KCTD16: variants seen among roughly 807,000 people sequenced by gnomAD.
The protein encoded by KCTD16 is potassium channel tetramerization domain containing 16.
In KCTD16, 13 loss-of-function variants were observed where a neutral mutation model predicts 33.2. That is an observed-to-expected ratio of 0.39 (90% CI 0.25 to 0.62). KCTD16 has a LOEUF of 0.62. KCTD16 is among the 20% of genes least tolerant of loss of function. The pLI, the probability that KCTD16 is intolerant of heterozygous loss-of-function variation, is 0.50. For missense variants in KCTD16, 441 were observed against 525.1 expected (o/e 0.84, Z 1.57); for synonymous variants, 197 against 195.3 (o/e 1.01, Z -0.07).
intron 3 of KCTD16, among the ~76,000 whole-genome samples, chr5:144,375,026 A>C (rs765744760): frequency 6.6e-6 from 1 of 152,202 alleles, no homozygotes; most frequent in Non-Finnish European, 1.5e-5. Context: ...CTCTTAGGTC[A>C]GTTGTGTGGC....
chr5:144,474,211 A>T lies in KCTD16; in HGVS notation c.*97A>T. Reference sequence around the variant, plus strand: ...TTAAAGGAAAAAAATACAACTAATGATGCACATTTCTTAGAACACAATAGT... The same window carrying T: ...TTAAAGGAAAAAAATACAACTAATGTTGCACATTTCTTAGAACACAATAGT... On this transcript the variant is annotated 3_prime_UTR_variant, in exon 4 of 4. Coordinates refer to ENST00000512467, the MANE Select transcript of KCTD16 (RefSeq NM_020768.4). 1 of 931,138 alleles carries T rather than the reference A, an allele frequency of 1.1e-6. No homozygotes were observed. Among genetic ancestry groups the T allele is most frequent in the Non-Finnish European group, 1.6e-6 (1 of 623,504 alleles). The allele number at this position is 931,138 out of a possible 1,614,324, so 57.7% of individuals were successfully genotyped here.
chr5:144,477,040 C>T lies in KCTD16; in HGVS notation c.*2926C>T, dbSNP rs1229019991. On this transcript the variant is annotated 3_prime_UTR_variant, in exon 4 of 4. Transcript: ENST00000512467. ...TTGCCTTCTGGGAAATCCCGCGATA[C>T]TAAAATCCAGTGAGCTTTGGGAGAT... The T allele has an allele frequency of 1.3e-5, 2 of 152,052 alleles. No homozygotes were observed. Among genetic ancestry groups the T allele is most frequent in the Non-Finnish European group, 2.9e-5 (2 of 67,992 alleles). The allele number at this position is 152,052 out of a possible 1,614,324, so 9.4% of individuals were successfully genotyped here.
intron 3 of KCTD16, among the ~76,000 whole-genome samples, chr5:144,298,602 A>G (rs1756114525): frequency 6.6e-6 from 1 of 152,154 alleles, no homozygotes; most frequent in African/African-American, 2.4e-5. Context: ...CTTCAGAGAC[A>G]TAATTCCTTG....
chr5:144,182,905 T>A lies in KCTD16; in HGVS notation c.-327+8433T>A, dbSNP rs559744771. Among the ~76,000 whole-genome samples, 4 of 152,330 alleles carry A rather than the reference T, an allele frequency of 2.6e-5. No individual in the cohort carries two copies. In the East Asian group the frequency reaches 7.7e-4, roughly 29 times the overall value. On this transcript the variant is annotated intron_variant, in intron 2 of 3. Transcript: ENST00000512467. Reference sequence around the variant, plus strand: ...ATTATTATTTCTTTGTTATTATTGTTTGTTGTTACTTAACACATATACATA... The same window carrying A: ...ATTATTATTTCTTTGTTATTATTGTATGTTGTTACTTAACACATATACATA...
At chr5:144,176,419 G>C (rs1054701287) in intron 2 of KCTD16, among the ~76,000 whole-genome samples, 1 of 130,732 alleles carries the variant, frequency 7.6e-6, no homozygotes, top group African/African-American at 2.8e-5. Context: ...TTTTTGAGAC[G>C]GAGTCTCGCT....
At chr5:144,321,639 C>T (rs998961377) in intron 3 of KCTD16, among the ~76,000 whole-genome samples, 9 of 152,114 alleles carry the variant, frequency 5.9e-5, no homozygotes, top group Non-Finnish European at 8.8e-5. Flanking sequence ...TTTGATTTGA[C>T]GGCCTTATTC....
rs183739102 is a variant in KCTD16 at position 144,251,248 on chromosome 5, G to C, written c.832+43702G>C. ...TGTAACAGATACAGAAAGGTAGTAG[G>C]GGGTGGTGTGTTGTTTAAAAGGGAG... On this transcript the variant is annotated intron_variant, in intron 3 of 3. Transcript: ENST00000512467. 5.0e-4 allele frequency among the ~76,000 whole-genome samples: 76 copies of C among 152,232 alleles called. No homozygotes were observed. In the East Asian group the frequency reaches 0.014, roughly 27 times the overall value.
intron 3 of KCTD16, among the ~76,000 whole-genome samples, chr5:144,286,663 A>G (rs1014181622): frequency 1.3e-5 from 2 of 152,206 alleles, no homozygotes; most frequent in African/African-American, 4.8e-5. Context: ...TGAGTATGTC[A>G]TTTATTTTTA....
rs151184309 is a variant in KCTD16 at position 144,397,877 on chromosome 5, A to G, written c.833-75783A>G. On this transcript the variant is annotated intron_variant, in intron 3 of 3. Coordinates refer to ENST00000512467, the MANE Select transcript of KCTD16 (RefSeq NM_020768.4). ...CACAGGCTAATGGTCCATGAAAAGA[A>G]TTTATCTCTGATGTTAGTGAGAAGA... 1.8e-3 allele frequency among the ~76,000 whole-genome samples: 273 copies of G among 152,308 alleles called. 3 individuals carry two copies. The highest frequency in any genetic ancestry group is 3.3e-3 in the Non-Finnish European group (227 of 68,030).
chr5:144,293,807 G>A (rs534468440), intron 3 of KCTD16, among the ~76,000 whole-genome samples: 1 of 152,286 alleles, frequency 6.6e-6, no homozygotes, highest in Non-Finnish European at 1.5e-5. Flanking sequence ...AATGTTGAAT[G>A]CTTTTTAGAA....
intron 3 of KCTD16, among the ~76,000 whole-genome samples, chr5:144,339,422 G>C (rs1399989321): frequency 6.6e-6 from 1 of 152,026 alleles, no homozygotes; most frequent in Non-Finnish European, 1.5e-5. Context: ...CAAATGCATT[G>C]CATTTTCTTT....
chr5:144,201,793 A>G (rs28406939), intron 2 of KCTD16, among the ~76,000 whole-genome samples: 43,123 of 151,878 alleles, frequency 0.28, 7,426 homozygotes, highest in African/African-American at 0.48. Flanking sequence ...TAATGCAGGA[A>G]TCCTTGGGAG....
intron 3 of KCTD16, among the ~76,000 whole-genome samples, chr5:144,305,581 C>T (rs1471970281): frequency 2.6e-5 from 4 of 152,026 alleles, no homozygotes; most frequent in African/African-American, 7.2e-5. Flanking sequence ...CTTGGGAGGC[C>T]GAGGTGGGTG....
intron 3 of KCTD16, among the ~76,000 whole-genome samples, chr5:144,387,028 T>C (rs1489175461): frequency 1.3e-5 from 2 of 152,058 alleles, no homozygotes; most frequent in African/African-American, 4.8e-5. Flanking sequence ...GTGCAGTGGC[T>C]GGTTCATGGC....
rs758252977 is a variant in KCTD16, at chr5:144,207,116, C to A, written c.402C>A (p.Phe134Leu). Residue 134 changes from phenylalanine to leucine, a missense_variant, in exon 3 of 4, where the codon TTC becomes TTA. Around this residue, in one of 3 missense-constraint regions of KCTD16, gnomAD observed 355 missense variants for 413.0 expected, o/e 0.86. Coordinates refer to ENST00000512467, the MANE Select transcript of KCTD16 (RefSeq NM_020768.4). ...PDEIKQSPDE[F>L]CHSDFEDASQ... ...AAATCAAGCAAAGCCCAGATGAATT[C>A]TGCCACAGTGACTTTGAAGATGCCT... is the stretch of plus-strand genomic sequence containing the variant. The A allele has an allele frequency of 6.2e-7, 1 of 1,610,622 alleles. No individual in the cohort carries two copies. Among genetic ancestry groups the A allele is most frequent in the East Asian group, 2.2e-5 (1 of 44,836 alleles).
At chr5:144,261,167 CAAAAA>C in intron 3 of KCTD16, among the ~76,000 whole-genome samples, 1 of 78,064 alleles carries the variant, frequency 1.3e-5, no homozygotes, top group East Asian at 4.1e-4. Context: ...GGAACAACAA[CAAAAA>C]AAAAAAAAAA....
intron 3 of KCTD16, among the ~76,000 whole-genome samples, chr5:144,343,501 T>C (rs1006813387): frequency 1.3e-5 from 2 of 152,154 alleles, no homozygotes; most frequent in Non-Finnish European, 2.9e-5. Context: ...TAGCGGTCTA[T>C]CAATTTTGTT....
intron 3 of KCTD16, among the ~76,000 whole-genome samples, chr5:144,271,414 C>T (rs753575987): frequency 1.1e-4 from 16 of 151,896 alleles, no homozygotes; most frequent in South Asian, 1.0e-3. Flanking sequence ...ACATGATCAT[C>T]TCAATGCAGA....
At position 144,255,122 on chromosome 5, in the gene KCTD16, C is replaced by G. The variant is rs189882864; in HGVS notation, c.832+47576C>G. 2.1e-3 allele frequency among the ~76,000 whole-genome samples: 314 copies of G among 152,238 alleles called. 2 individuals carry two copies. Among genetic ancestry groups the G allele is most frequent in the South Asian group, 0.013 (62 of 4,824 alleles). ...GTGGCATAATGTCCTCAATGTTCAT[C>G]TATGTTGTTTAATGATGTAGAATTT... On this transcript the variant is annotated intron_variant, in intron 3 of 3. Transcript: ENST00000512467.
Sources: gnomAD v4.1 joint callset for allele counts (sites outside exome capture counted in the v4.1 genomes callset) on GRCh38, gnomAD v4.1.1 for gene constraint, gnomAD v4.1.1 regional missense constraint, MANE v1.5 for transcripts, NCBI Gene and HGNC (gene_info 2026-07-23, HGNC 2026-07-21) for gene names.